MGAT4B: variants seen among roughly 807,000 people sequenced by gnomAD.
MGAT4B encodes the protein alpha-1,3-mannosyl-glycoprotein 4-beta-N-acetylglucosaminyltransferase B, also known as N-acetylglucosaminyltransferase IVb.
MGAT4B carries 38 observed loss-of-function variants against 73.9 expected under a neutral mutation model. The ratio of observed to expected loss-of-function variants is 0.51; its 90% CI spans 0.40 to 0.67. The LOEUF is 0.67. MGAT4B is among the 30% of genes least tolerant of loss of function. The pLI is 0.00. For missense variants in MGAT4B, 686 were observed against 735.2 expected (o/e 0.93, Z 0.77); for synonymous variants, 373 against 313.5 (o/e 1.19, Z -2.01).
At position 179,801,143 on chromosome 5, in the gene MGAT4B, G is replaced by C; in HGVS notation, c.559-190C>G. ...GGGACTCGCATGGCCAAGGACTAGGGGGTGGCGGGGGCGATGGGTAGGGGT... is the reference window on the plus strand; with the variant it reads ...GGGACTCGCATGGCCAAGGACTAGGCGGTGGCGGGGGCGATGGGTAGGGGT... On this transcript the variant is annotated intron_variant, in intron 4 of 14. Coordinates refer to ENST00000292591, the MANE Select transcript of MGAT4B (RefSeq NM_014275.5). The surrounding 1 kb of genome is among the most constrained non-coding windows in gnomAD (Gnocchi z 4.8). The C allele has an allele frequency of 8.8e-7, 1 of 1,141,944 alleles. No homozygotes were observed. Among genetic ancestry groups the C allele is most frequent in the South Asian group, 1.5e-5 (1 of 65,410 alleles). 70.7% of individuals were successfully genotyped at this position (1,141,944 alleles called of 1,614,324 possible).
At position 179,798,606 on chromosome 5, in the gene MGAT4B, G is replaced by C. The variant is rs536330028; in HGVS notation, c.1344-15C>G. The C allele has an allele frequency of 7.4e-6, 12 of 1,612,808 alleles. No homozygotes were observed. Among genetic ancestry groups the C allele is most frequent in the Non-Finnish European group, 1.0e-5 (12 of 1,179,750 alleles). On this transcript the variant is annotated splice_polypyrimidine_tract_variant and intron_variant, in intron 11 of 14. Transcript: ENST00000292591. Reference sequence around the variant, plus strand: ...GGAAGAAGAACCTGCAGCCAGGCAGGCCTGTGAGCTGCTGCAGGGGCAGCG... The same window carrying C: ...GGAAGAAGAACCTGCAGCCAGGCAGCCCTGTGAGCTGCTGCAGGGGCAGCG...
Position 179,799,111 on chromosome 5 carries a change from A to T in MGAT4B, c.1160T>A (p.Phe387Tyr), listed in dbSNP as rs752777524. The change falls in exon 11 of 15, where the codon TTT (phenylalanine) becomes TAT (tyrosine). Residue 387 changes from phenylalanine to tyrosine, a missense_variant. Physicochemically the swap from Phe to Tyr is conservative, Grantham distance 22 (BLOSUM62 3). This residue lies in a region of MGAT4B where 449 missense variants were observed against 536.8 expected (regional missense o/e 0.84). Coordinates refer to ENST00000292591, the MANE Select transcript of MGAT4B (RefSeq NM_014275.5). ...GKIQKLKDKD[F>Y]GKQALRKEHV... ...CTCCTTCCGCAGCGCCTGCTTTCCA[A>T]AGTCTTTGTCCTGCAGCGGAGGAGG... 3.3e-5 allele frequency: 53 copies of T among 1,613,830 alleles called. No individual in the cohort carries two copies. The highest frequency in any genetic ancestry group is 4.4e-5 in the Non-Finnish European group (52 of 1,180,044).
At chr5:179,805,985 C>A (rs1757135654) in intron 1 of MGAT4B, among the ~76,000 whole-genome samples, 1 of 151,566 alleles carries the variant, frequency 6.6e-6, no homozygotes, top group Non-Finnish European at 1.5e-5. Context: ...CGCCTCCCTC[C>A]CTCCCTCCCT....
In MGAT4B at chr5:179,801,322, C is replaced by T. The variant is rs372300816; in HGVS notation, c.558+12G>A. On this transcript the variant is annotated intron_variant, in intron 4 of 14. Coordinates refer to ENST00000292591, the MANE Select transcript of MGAT4B (RefSeq NM_014275.5). This position sits in a 1 kb window ranked among gnomAD's most constrained non-coding sequence, Gnocchi z 4.8. ...CTGAATGTCCCCCAACCCCGCGTCC[C>T]GGCTCACTCGCCTCGGCGATCAGCA... 2.7e-5 allele frequency: 44 copies of T among 1,603,674 alleles called. 1 individual carries two copies. In the South Asian group the frequency reaches 3.2e-4, roughly 12 times the overall value.
intron 6 of MGAT4B, 27 bp downstream of exon 6, chr5:179,800,457 C>T (rs1435850866): frequency 1.3e-6 from 2 of 1,530,816 alleles, no homozygotes; most frequent in African/African-American, 2.7e-5. Flanking sequence ...AGGCGGGTTG[C>T]TGAGGGTATG....
chr5:179,802,767 C>T lies in MGAT4B; in HGVS notation c.98-798G>A, dbSNP rs146331252. ...CCGACAGTAGAGAGGCACCACCAGTCTGGCAGGGACCAGTGAGCAAGAATG... is the reference window on the plus strand; with the variant it reads ...CCGACAGTAGAGAGGCACCACCAGTTTGGCAGGGACCAGTGAGCAAGAATG... On this transcript the variant is annotated intron_variant, in intron 1 of 14. Transcript: ENST00000292591. The T allele has an allele frequency of 1.5e-5, 15 of 985,592 alleles. No homozygotes were observed. The East Asian group carries it at 1.7e-3, about 112-fold the overall frequency. 61.1% of individuals were successfully genotyped at this position (985,592 alleles called of 1,614,324 possible). A position where few individuals can be genotyped will look rare whatever the true frequency, so the allele number is the denominator to read the frequency against.
chr5:179,804,989 CTAAG>C (rs1413110215), intron 1 of MGAT4B: 1 of 152,280 alleles, frequency 6.6e-6, no homozygotes, highest in African/African-American at 2.4e-5. Context: ...GCTCGTGAAT[CTAAG>C]TGCTCCCCTT....
chr5:179,802,663 G>C (rs954808302), intron 1 of MGAT4B: 21 of 986,476 alleles, frequency 2.1e-5, no homozygotes, highest in Non-Finnish European at 2.4e-5. Context: ...TGCCACCCCA[G>C]GGGGCCCCTG....
Position 179,801,105 on chromosome 5 carries a change from GC to G in MGAT4B, c.559-153del. The G allele has an allele frequency of 8.5e-7, 1 of 1,172,076 alleles. No homozygotes were observed. The highest frequency in any genetic ancestry group is 1.2e-6 in the Non-Finnish European group (1 of 835,606). The allele number at this position is 1,172,076 out of a possible 1,614,324, so 72.6% of individuals were successfully genotyped here. A position where few individuals can be genotyped will look rare whatever the true frequency, so the allele number is the denominator to read the frequency against. Reference sequence around the variant, plus strand: ...CGGAGTAAGGGGGCCCCCAGAGACGGCCCTTTCCCTTTGGGACTCGCATGGC... The same window carrying G: ...CGGAGTAAGGGGGCCCCCAGAGACGGCCTTTCCCTTTGGGACTCGCATGGC... On this transcript the variant is annotated intron_variant, in intron 4 of 14. Coordinates refer to ENST00000292591, the MANE Select transcript of MGAT4B (RefSeq NM_014275.5). This position sits in a 1 kb window ranked among gnomAD's most constrained non-coding sequence, Gnocchi z 4.8.
At chr5:179,803,105 G>A (rs531035359) in intron 1 of MGAT4B, 130 of 985,588 alleles carry the variant, frequency 1.3e-4, no homozygotes, top group Admixed American at 5.5e-4. Context: ...ACGGGCAGGA[G>A]GTCGAAGTGC....
intron 1 of MGAT4B, chr5:179,802,447 T>G: frequency 9.4e-7 from 1 of 1,066,066 alleles, no homozygotes; most frequent in Non-Finnish European, 1.1e-6. Context: ...ACTGGATTCT[T>G]AGCCTCACGA....
At position 179,797,664 on chromosome 5, in the gene MGAT4B, C is replaced by T. The variant is rs146796394; in HGVS notation, c.*381G>A. On this transcript the variant is annotated 3_prime_UTR_variant, in exon 15 of 15. Coordinates refer to ENST00000292591, the MANE Select transcript of MGAT4B (RefSeq NM_014275.5). ...TCTTATAGAAGTATATGTGGACTTA[C>T]GTGAAAAAATCAAATGTATCCAAGA... is the stretch of plus-strand genomic sequence containing the variant. The T allele has an allele frequency of 1.6e-3, 310 of 196,156 alleles. 1 individual carries two copies. The highest frequency in any genetic ancestry group is 2.5e-3 in the Non-Finnish European group (241 of 96,958). The allele number at this position is 196,156 out of a possible 1,614,324, so 12.2% of individuals were successfully genotyped here. A position where few individuals can be genotyped will look rare whatever the true frequency, so the allele number is the denominator to read the frequency against.
At chr5:179,803,355 T>C (rs182816084) in intron 1 of MGAT4B, 5 of 838,950 alleles carry the variant, frequency 6.0e-6, no homozygotes, top group Non-Finnish European at 7.2e-6. Flanking sequence ...GCTCAGGGGC[T>C]CGGTTACCCT....
intron 9 of MGAT4B, 41 bp downstream of exon 9, chr5:179,799,465 C>T (rs747410273): frequency 1.2e-6 from 2 of 1,612,460 alleles, no homozygotes; most frequent in Non-Finnish European, 1.7e-6. Context: ...GCTGCCTGCC[C>T]CTTGGCCCTG....
At chr5:179,805,886 G>A (rs1348438056) in intron 1 of MGAT4B, among the ~76,000 whole-genome samples, 3 of 152,170 alleles carry the variant, frequency 2.0e-5, no homozygotes, top group African/African-American at 7.2e-5. Context: ...CACGCGGAGG[G>A]CGGGGGCCAG....
Position 179,798,520 on chromosome 5 carries a change from G to A in MGAT4B, c.1415C>T (p.Pro472Leu), listed in dbSNP as rs1756757501. The change falls in exon 12 of 15, where the codon CCC becomes CTC. Residue 472 changes from proline to leucine, a missense_variant. Coordinates refer to ENST00000292591, the MANE Select transcript of MGAT4B (RefSeq NM_014275.5). ...CACACCCACCGAACTTACGTCGAAG[G>A]GCAGCACCTCCACAGACGTGTTGAA... ...KLFNTSVEVL[P>L]FDNPQSDKEA... The A allele has an allele frequency of 6.2e-7, 1 of 1,613,426 alleles. No individual in the cohort carries two copies. The highest frequency in any genetic ancestry group is 1.1e-5 in the South Asian group (1 of 91,090).
In MGAT4B at chr5:179,806,010, G is replaced by C. The variant is rs1005265858; in HGVS notation, c.97+477C>G. The stretch of plus-strand genomic sequence containing the variant: ...CCTCCCTCCCTCCCTCCCACAGGCC[G>C]GATGCTGCCGACGCGTTCTGGGCGC... On this transcript the variant is annotated intron_variant, in intron 1 of 14. Coordinates refer to ENST00000292591, the MANE Select transcript of MGAT4B (RefSeq NM_014275.5). This position sits in a 1 kb window ranked among gnomAD's most constrained non-coding sequence, Gnocchi z 4.6. Among the ~76,000 whole-genome samples, 1 of 143,934 alleles carries C rather than the reference G, an allele frequency of 6.9e-6. No homozygotes were observed. Among genetic ancestry groups the C allele is most frequent in the Non-Finnish European group, 1.5e-5 (1 of 65,076 alleles). 94.4% of individuals were successfully genotyped at this position (143,934 alleles called of 152,430 possible). A position where few individuals can be genotyped will look rare whatever the true frequency, so the allele number is the denominator to read the frequency against.
Position 179,801,612 on chromosome 5 carries a change from C to T in MGAT4B, c.366G>A (p.Leu122=), listed in dbSNP as rs770819673. 4.4e-6 allele frequency: 7 copies of T among 1,605,636 alleles called. No homozygotes were observed. The highest frequency in any genetic ancestry group is 5.9e-6 in the Non-Finnish European group (7 of 1,177,592). Residue 122 remains leucine (L), a synonymous_variant, in exon 3 of 15, where the codon CTG becomes CTA. Coordinates refer to ENST00000292591, the MANE Select transcript of MGAT4B (RefSeq NM_014275.5). The surrounding 1 kb of genome is among the most constrained non-coding windows in gnomAD (Gnocchi z 4.8). ...LPTVFHHLPH[L]LAKESSLQPA... ...GCTGCAGACTGCTCTCCTTGGCCAGCAGGTGTGGCAGGTGATGGAAGACGG... is the reference window on the plus strand; with the variant it reads ...GCTGCAGACTGCTCTCCTTGGCCAGTAGGTGTGGCAGGTGATGGAAGACGG...
In MGAT4B at chr5:179,797,902, C is replaced by G. The variant is rs1417951652; in HGVS notation, c.*143G>C. ...GCTCCTAGGGCCTCCGGGCCAGCGG[C>G]GGACCCCAGGCCGGCCCAAGCCCGA... On this transcript the variant is annotated 3_prime_UTR_variant, in exon 15 of 15. Coordinates refer to ENST00000292591, the MANE Select transcript of MGAT4B (RefSeq NM_014275.5). The G allele has an allele frequency of 8.3e-7, 1 of 1,210,560 alleles. No individual in the cohort carries two copies. Among genetic ancestry groups the G allele is most frequent in the East Asian group, 2.6e-5 (1 of 38,270 alleles). 75.0% of individuals were successfully genotyped at this position (1,210,560 alleles called of 1,614,324 possible). A position where few individuals can be genotyped will look rare whatever the true frequency, so the allele number is the denominator to read the frequency against.
Sources: gnomAD v4.1 joint callset for allele counts (sites outside exome capture counted in the v4.1 genomes callset) on GRCh38, gnomAD v4.1.1 for gene constraint, gnomAD v4.1.1 regional missense constraint, Gnocchi (gnomAD v3.1) non-coding constraint, MANE v1.5 for transcripts, NCBI Gene and HGNC (gene_info 2026-07-23, HGNC 2026-07-21) for gene names.